The following RBPMS variants were observed in gnomAD, a reference collection of about 807,000 sequenced individuals.
RBPMS encodes RNA-binding protein with multiple splicing.
RBPMS carries 7 observed loss-of-function variants against 26.8 expected under a neutral mutation model. The ratio of observed to expected loss-of-function variants is 0.26; its 90% CI spans 0.15 to 0.49. The LOEUF (loss-of-function observed/expected upper bound fraction) is 0.49. Among genes scored for constraint, RBPMS ranks in the 20% least tolerant of loss-of-function variants. The pLI, the probability that RBPMS is intolerant of heterozygous loss-of-function variation, is 0.98. For missense variants in RBPMS, 186 were observed against 250.0 expected, an observed-to-expected ratio of 0.74 and a Z score of 1.73; for synonymous variants, 96 against 93.3, an observed-to-expected ratio of 1.03 and a Z score of -0.17.
chr8:30,420,829 T>TG (rs1810688999), intron 1 of RBPMS, among the ~76,000 whole-genome samples: 1 of 152,186 alleles, frequency 6.6e-6, no homozygotes, highest in African/African-American at 2.4e-5. Flanking sequence ...CTTCCTCTAT[T>TG]GTAGCAGAGT....
At chr8:30,455,884 T>C (rs7840628) in intron 1 of RBPMS, among the ~76,000 whole-genome samples, 102,008 of 151,974 alleles carry the variant, frequency 0.67, 34,812 homozygotes, top group Middle Eastern at 0.79. Context: ...AGTGAGACTC[T>C]GTCTCAAAAA....
At chr8:30,513,138 T>G (rs974406229) in intron 5 of RBPMS, among the ~76,000 whole-genome samples, 4 of 151,938 alleles carry the variant, frequency 2.6e-5, no homozygotes, top group African/African-American at 4.8e-5. Context: ...GAGAAAGTAA[T>G]GCAGAGTCTT....
At chr8:30,479,207 C>T in intron 3 of RBPMS, 108 bp from the exon 4 acceptor site, 1 of 791,984 alleles carries the variant, frequency 1.3e-6, no homozygotes, top group Non-Finnish European at 2.1e-6. Flanking sequence ...CTGCCCATTG[C>T]CTGTGGTCAT....
intron 1 of RBPMS, among the ~76,000 whole-genome samples, chr8:30,456,495 A>AG (rs1258331834): frequency 9.5e-5 from 8 of 84,136 alleles, no homozygotes; most frequent in Non-Finnish European, 2.2e-4. Context: ...CACACTAAAA[A>AG]GATTTTTTTT....
intron 1 of RBPMS, among the ~76,000 whole-genome samples, chr8:30,412,053 T>C (rs1374696524): frequency 6.6e-6 from 1 of 151,932 alleles, no homozygotes; most frequent in African/African-American, 2.4e-5. Context: ...TGTCCCATAG[T>C]AGGCAAGTGT....
chr8:30,424,579 A>C (rs1811144238), intron 1 of RBPMS, among the ~76,000 whole-genome samples: 3 of 152,226 alleles, frequency 2.0e-5, no homozygotes, highest in African/African-American at 4.8e-5. Context: ...TTGGCTGGCT[A>C]GGTGATCTTT....
intron 1 of RBPMS, among the ~76,000 whole-genome samples, chr8:30,420,104 C>T (rs915509500): frequency 5.3e-5 from 8 of 151,804 alleles, no homozygotes; most frequent in Non-Finnish European, 8.8e-5. Context: ...GATGTGTGCC[C>T]GTAGTCCCAG....
At chr8:30,538,846 AAC>A (rs1339487782) in intron 5 of RBPMS, among the ~76,000 whole-genome samples, 1 of 152,162 alleles carries the variant, frequency 6.6e-6, no homozygotes, top group African/African-American at 2.4e-5. Context: ...TGTTTCCAAA[AAC>A]AGTTATGTAC....
chr8:30,510,043 C>T lies in RBPMS; in HGVS notation c.397+5607C>T, dbSNP rs568252928. 2.6e-5 allele frequency among the ~76,000 whole-genome samples: 4 copies of T among 152,260 alleles called. No homozygotes were observed. In the East Asian group the frequency reaches 7.7e-4, roughly 29 times the overall value. Reference sequence around the variant, plus strand: ...TTAACTTACCCCTTTATCTTTAGGACAAAGTTTTGCTGCAAGTGAGACTAA... The same window carrying T: ...TTAACTTACCCCTTTATCTTTAGGATAAAGTTTTGCTGCAAGTGAGACTAA... On this transcript the variant is annotated intron_variant, in intron 5 of 8. Coordinates refer to ENST00000397323, the MANE Select transcript of RBPMS (RefSeq NM_001008710.3).
intron 5 of RBPMS, among the ~76,000 whole-genome samples, chr8:30,519,379 A>G (rs1257751373): frequency 6.6e-6 from 1 of 151,486 alleles, no homozygotes; most frequent in Non-Finnish European, 1.5e-5. Flanking sequence ...TGGTCAGTCC[A>G]TATATTGCAT....
At chr8:30,413,337 C>A (rs1187321101) in intron 1 of RBPMS, among the ~76,000 whole-genome samples, 1 of 152,314 alleles carries the variant, frequency 6.6e-6, no homozygotes, top group South Asian at 2.1e-4. Flanking sequence ...TCCCAAAGTT[C>A]TGGGATTACA....
chr8:30,511,471 GAAAA>G (rs1188894079), intron 5 of RBPMS, among the ~76,000 whole-genome samples: 63 of 11,156 alleles, frequency 5.6e-3, no homozygotes, highest in African/African-American at 8.7e-3. Context: ...AACAAAAAAA[GAAAA>G]AAAAAAAAAA....
chr8:30,499,147 A>G (rs528521738), intron 4 of RBPMS, among the ~76,000 whole-genome samples: 19 of 152,260 alleles, frequency 1.2e-4, no homozygotes, highest in Non-Finnish European at 2.6e-4. Context: ...AATGAAGGCA[A>G]TCCCAGCTAC....
intron 8 of RBPMS, among the ~76,000 whole-genome samples, chr8:30,567,348 A>G (rs1827968056): frequency 6.6e-6 from 1 of 152,074 alleles, no homozygotes. Context: ...CCACCACCCC[A>G]GAGAGCTTTC....
In RBPMS at chr8:30,571,926, G is replaced by C. The variant is rs1231497538; in HGVS notation, c.*1401G>C. The C allele has an allele frequency of 6.6e-6, 1 of 152,166 alleles. No homozygotes were observed. Among genetic ancestry groups the C allele is most frequent in the Non-Finnish European group, 1.5e-5 (1 of 68,026 alleles). The allele number at this position is 152,166 out of a possible 1,614,324, so 9.4% of individuals were successfully genotyped here. The stretch of plus-strand genomic sequence containing the variant: ...GAAAATTTCAATGTCATGATTACCT[G>C]GTTGGTTTGGGTTTTTGTTTTGTTA... On this transcript the variant is annotated 3_prime_UTR_variant, in exon 9 of 9. Transcript: ENST00000397323.
intron 6 of RBPMS, chr8:30,549,716 C>T: frequency 1.6e-6 from 1 of 608,272 alleles, no homozygotes; most frequent in South Asian, 2.0e-5. Flanking sequence ...CCAGGCCCTT[C>T]CTGGAGGCGA....
intron 5 of RBPMS, among the ~76,000 whole-genome samples, chr8:30,505,442 C>A (rs1172559900): frequency 6.6e-6 from 1 of 152,128 alleles, no homozygotes. Context: ...GAAGTCACAG[C>A]CATTCTGTAG....
At chr8:30,474,428 T>G (rs958308503) in intron 1 of RBPMS, among the ~76,000 whole-genome samples, 2 of 152,186 alleles carry the variant, frequency 1.3e-5, no homozygotes, top group Non-Finnish European at 2.9e-5. Context: ...CCCCCCATCC[T>G]TCACATTTTT....
At chr8:30,393,375 TA>T (rs2150552189) in intron 1 of RBPMS, among the ~76,000 whole-genome samples, 1 of 149,898 alleles carries the variant, frequency 6.7e-6, no homozygotes, top group African/African-American at 2.4e-5. Context: ...CAAGCTACCA[TA>T]AAATCTGGAG....
Sources: gnomAD v4.1 joint callset for allele counts (sites outside exome capture counted in the v4.1 genomes callset) on GRCh38, gnomAD v4.1.1 for gene constraint, MANE v1.5 for transcripts, NCBI Gene and HGNC (gene_info 2026-07-23, HGNC 2026-07-21) for gene names.